ACO1: variants seen among roughly 807,000 people sequenced by gnomAD.
The protein encoded by ACO1 is cytoplasmic aconitate hydratase.
ACO1 carries 78 observed loss-of-function variants against 105.1 expected under a neutral mutation model. The ratio of observed to expected loss-of-function variants is 0.74; its 90% CI spans 0.62 to 0.90. The LOEUF is 0.90. Ranked by LOEUF, ACO1 falls within the 40% of genes least tolerant of loss-of-function variation. The pLI, the probability that ACO1 is intolerant of heterozygous loss-of-function variation, is 0.00. For missense variants in ACO1, 965 were observed against 1,111.1 expected (o/e 0.87, Z 1.87); for synonymous variants, 364 against 397.4 (o/e 0.92, Z 1.00).
In ACO1 at chr9:32,439,129, G is replaced by A. The variant is rs117856719; in HGVS notation, c.2248-1336G>A. Reference sequence around the variant, plus strand: ...TCCCTCTGATCTTGGGTAACATGACGTGCTTTGCCATGAGATTGTCAACTT... The same window carrying A: ...TCCCTCTGATCTTGGGTAACATGACATGCTTTGCCATGAGATTGTCAACTT... On this transcript the variant is annotated intron_variant, in intron 18 of 20. Transcript: ENST00000309951. This position sits in a 1 kb window ranked among gnomAD's most constrained non-coding sequence, Gnocchi z 4.0. Among the ~76,000 whole-genome samples the A allele has an allele frequency of 0.036, 5,484 of 152,232 alleles. 144 individuals carry two copies. The highest frequency in any genetic ancestry group is 0.051 in the Non-Finnish European group (3,474 of 68,010).
chr9:32,398,539 T>G (rs1272382374), intron 1 of ACO1, among the ~76,000 whole-genome samples: 1 of 149,834 alleles, frequency 6.7e-6, no homozygotes, highest in Admixed American at 6.6e-5. Flanking sequence ...GTTCGGAATT[T>G]CTTTTTTTTT....
At position 32,451,163 on chromosome 9, in the gene ACO1, A is replaced by C. The variant is rs1385515692; in HGVS notation, c.*1052A>C. The stretch of plus-strand genomic sequence containing the variant: ...CTGTAGTCATTTCTGGGCATGCCTT[A>C]GTTTGCTTGGGTTGCTATAATGTAA... On this transcript the variant is annotated 3_prime_UTR_variant, in exon 21 of 21. Coordinates refer to ENST00000309951, the MANE Select transcript of ACO1 (RefSeq NM_002197.3). The C allele has an allele frequency of 6.6e-6, 1 of 152,098 alleles. No individual in the cohort carries two copies. The highest frequency in any genetic ancestry group is 6.5e-5 in the Admixed American group (1 of 15,268). 9.4% of individuals were successfully genotyped at this position (152,098 alleles called of 1,614,324 possible).
At chr9:32,397,237 C>T (rs1821392018) in intron 1 of ACO1, among the ~76,000 whole-genome samples, 1 of 152,166 alleles carries the variant, frequency 6.6e-6, no homozygotes, top group African/African-American at 2.4e-5. Flanking sequence ...CTTTCTGCAC[C>T]ACTCTTTTCC....
chr9:32,405,438 C>T (rs763818525), intron 1 of ACO1, 47 bp from the exon 2 acceptor site: 14 of 1,170,758 alleles, frequency 1.2e-5, no homozygotes, highest in Middle Eastern at 1.9e-4. Context: ...ATTTCTAGGT[C>T]CCAGACCTCT....
chr9:32,446,412 T>A (rs532382125), intron 19 of ACO1, among the ~76,000 whole-genome samples: 1 of 152,326 alleles, frequency 6.6e-6, no homozygotes, highest in East Asian at 1.9e-4. Context: ...TTGCAACCCC[T>A]GCTTTTTTTT....
At chr9:32,390,210 A>C (rs1292086821) in intron 1 of ACO1, among the ~76,000 whole-genome samples, 1 of 152,214 alleles carries the variant, frequency 6.6e-6, no homozygotes, top group Non-Finnish European at 1.5e-5. Flanking sequence ...TTTTAGGAAT[A>C]AGCATGTATT....
chr9:32,429,603 G>A, intron 13 of ACO1, 100 bp downstream of exon 13: 1 of 1,055,556 alleles, frequency 9.5e-7, no homozygotes, highest in Non-Finnish European at 1.4e-6. Context: ...GGAAGCAGGG[G>A]ATGTGGTTTA....
intron 1 of ACO1, among the ~76,000 whole-genome samples, chr9:32,386,636 A>G (rs913018565): frequency 2.6e-5 from 4 of 152,222 alleles, no homozygotes; most frequent in Admixed American, 1.3e-4. Flanking sequence ...GAAATGTTGC[A>G]TGCACATGAG....
intron 19 of ACO1, among the ~76,000 whole-genome samples, chr9:32,440,997 C>A (rs909158724): frequency 6.6e-6 from 1 of 152,144 alleles, no homozygotes; most frequent in Admixed American, 6.5e-5. Flanking sequence ...TAAGCCAGGG[C>A]CATTGTATTA....
rs1350988714 is a variant in ACO1, at chr9:32,418,333, T to C, written c.480T>C (p.Gly160=). The change falls in exon 6 of 21, where the codon GGT becomes GGC. Residue 160 remains glycine (G), a synonymous_variant. Transcript: ENST00000309951. The part of the protein sequence containing the change: ...NRERFEFLKW[G]SQAFHNMRII... ...TTTCCATTTGTCAATCCCAGTGGGG[T>C]TCCCAGGCTTTTCACAACATGCGGA... is the stretch of plus-strand genomic sequence containing the variant. The C allele has an allele frequency of 1.2e-6, 2 of 1,614,016 alleles. No homozygotes were observed. The highest frequency in any genetic ancestry group is 3.3e-5 in the Admixed American group (2 of 60,014).
intron 18 of ACO1, among the ~76,000 whole-genome samples, chr9:32,437,571 C>T (rs1016182194): frequency 2.6e-5 from 4 of 151,224 alleles, no homozygotes; most frequent in Non-Finnish European, 5.9e-5. Flanking sequence ...CCCTAATAAA[C>T]ATCACAGTGT....
intron 5 of ACO1, 51 bp downstream of exon 5, chr9:32,418,248 C>G (rs753470136): frequency 2.5e-6 from 4 of 1,611,660 alleles, no homozygotes; most frequent in Non-Finnish European, 3.4e-6. Context: ...AGGCAGGGTA[C>G]GAGGGAGAGA....
intron 16 of ACO1, among the ~76,000 whole-genome samples, chr9:32,434,358 A>C (rs1358832389): frequency 2.0e-5 from 3 of 152,188 alleles, no homozygotes; most frequent in Non-Finnish European, 2.9e-5. Flanking sequence ...CCTTTTCTTC[A>C]AGAGTAAGAT....
chr9:32,392,114 G>A (rs1245159565), intron 1 of ACO1, among the ~76,000 whole-genome samples: 1 of 152,190 alleles, frequency 6.6e-6, no homozygotes, highest in Non-Finnish European at 1.5e-5. Flanking sequence ...GTGCTTTAGA[G>A]CTTGGAGATT....
rs149937337 is a variant in ACO1 at position 32,427,065 on chromosome 9, T to C, written c.1349-236T>C. ...TTAAAAAAAAAGTAAGCAAATCTCT[T>C]TCTTCATTTCCTTGCCTAGCTTTGA... is the stretch of plus-strand genomic sequence containing the variant. On this transcript the variant is annotated intron_variant, in intron 11 of 20. Transcript: ENST00000309951. 4.4e-3 allele frequency among the ~76,000 whole-genome samples: 663 copies of C among 152,346 alleles called. 2 individuals carry two copies. The highest frequency in any genetic ancestry group is 7.7e-3 in the Non-Finnish European group (527 of 68,018).
chr9:32,395,195 G>T (rs1821347268), intron 1 of ACO1, among the ~76,000 whole-genome samples: 1 of 152,136 alleles, frequency 6.6e-6, no homozygotes, highest in Non-Finnish European at 1.5e-5. Context: ...ATAAATGCAG[G>T]CTGGGTGTGG....
At position 32,450,984 on chromosome 9, in the gene ACO1, G is replaced by A. The variant is rs928391205; in HGVS notation, c.*873G>A. 2.9e-4 allele frequency: 42 copies of A among 146,142 alleles called. No homozygotes were observed. The highest frequency in any genetic ancestry group is 9.9e-4 in the African/African-American group (36 of 36,374). 9.1% of individuals were successfully genotyped at this position (146,142 alleles called of 1,614,324 possible). On this transcript the variant is annotated 3_prime_UTR_variant, in exon 21 of 21. Coordinates refer to ENST00000309951, the MANE Select transcript of ACO1 (RefSeq NM_002197.3). Reference sequence around the variant, plus strand: ...TCTATCAGAACTGTACGGGTATAACGGAAATGTTTAGGAACCATTATGCTC... The same window carrying A: ...TCTATCAGAACTGTACGGGTATAACAGAAATGTTTAGGAACCATTATGCTC...
At chr9:32,429,170 T>A (rs1056012494) in intron 12 of ACO1, among the ~76,000 whole-genome samples, 1 of 152,362 alleles carries the variant, frequency 6.6e-6, no homozygotes, top group African/African-American at 2.4e-5. Context: ...CATATATGAT[T>A]TCAACTTTTT....
intron 1 of ACO1, among the ~76,000 whole-genome samples, chr9:32,387,457 G>A (rs1821178357): frequency 6.6e-6 from 1 of 152,074 alleles, no homozygotes; most frequent in South Asian, 2.1e-4. Context: ...TTTCCTCTTG[G>A]AGTTCAAGTT....
Sources: allele counts gnomAD v4.1 joint callset (sites outside exome capture counted in the v4.1 genomes callset), GRCh38; gene constraint gnomAD v4.1.1; non-coding constraint Gnocchi (gnomAD v3.1); transcripts MANE v1.5; gene names NCBI Gene and HGNC (gene_info 2026-07-23, HGNC 2026-07-21).